Variants in LRBA observed in about 807,000 individuals in gnomAD.
LRBA encodes the protein LPS responsive beige-like anchor protein, also known as lipopolysaccharide-responsive and beige-like anchor protein.
LRBA carries 176 observed loss-of-function variants against 330.0 expected under a neutral mutation model. That is an observed-to-expected ratio of 0.53 (90% CI 0.47 to 0.60). LRBA has a LOEUF of 0.60. Ranked by LOEUF, LRBA falls within the 20% of genes least tolerant of loss-of-function variation. The pLI is 0.00. For synonymous variants in LRBA, 1,230 were observed against 1,193.0 expected, an observed-to-expected ratio of 1.03 and a Z score of -0.64; for missense variants, 3,259 against 3,444.8, an observed-to-expected ratio of 0.95 and a Z score of 1.35.
At chr4:150,906,471 A>G in intron 11 of LRBA, 66 bp from the exon 12 acceptor site, 1 of 839,812 alleles carries the variant, frequency 1.2e-6, no homozygotes, top group East Asian at 2.5e-5. Context: ...TAGGTTAGAT[A>G]GATGTAACCC....
intron 40 of LRBA, among the ~76,000 whole-genome samples, chr4:150,525,271 C>T (rs1194681609): frequency 1.3e-5 from 2 of 150,354 alleles, no homozygotes; most frequent in East Asian, 2.0e-4. Flanking sequence ...CAATGACATG[C>T]TCTGGCTTTT....
intron 56 of LRBA, among the ~76,000 whole-genome samples, chr4:150,275,582 G>A (rs1327853502): frequency 1.3e-5 from 2 of 152,180 alleles, no homozygotes; most frequent in East Asian, 3.9e-4. Context: ...CTTCAGCAAA[G>A]TCTCAGGATA....
At chr4:150,724,355 A>T (rs559896307) in intron 36 of LRBA, among the ~76,000 whole-genome samples, 2 of 152,196 alleles carry the variant, frequency 1.3e-5, no homozygotes, top group Non-Finnish European at 2.9e-5. Context: ...ATCTTATCTA[A>T]GACCACCAAA....
intron 26 of LRBA, 85 bp from the exon 27 acceptor site, chr4:150,844,864 G>T (rs1749625251): frequency 1.9e-6 from 2 of 1,069,352 alleles, no homozygotes; most frequent in African/African-American, 1.6e-5. Context: ...TACACAATAT[G>T]ATTTACATAA....
intron 40 of LRBA, among the ~76,000 whole-genome samples, chr4:150,564,432 C>T (rs184351635): frequency 1.3e-5 from 2 of 152,188 alleles, no homozygotes; most frequent in African/African-American, 4.8e-5. Flanking sequence ...ACCATAAAAA[C>T]CCTAGAAGAA....
chr4:150,485,708 C>A (rs1005356309), intron 42 of LRBA, among the ~76,000 whole-genome samples: 2 of 151,964 alleles, frequency 1.3e-5, no homozygotes, highest in African/African-American at 4.8e-5. Flanking sequence ...TGATTTTGAA[C>A]TTCTTGCCTC....
intron 33 of LRBA, among the ~76,000 whole-genome samples, chr4:150,799,930 A>AGACGGAGTTTCACCATGTTGGCCAC: frequency 6.6e-6 from 1 of 152,272 alleles, no homozygotes; most frequent in Admixed American, 6.5e-5. Flanking sequence ...GTTTTAGTAG[A>AGACGGAGTTTCACCATGTTGGCCAC]GACGGAGTTT....
intron 44 of LRBA, among the ~76,000 whole-genome samples, chr4:150,448,453 C>G (rs1029130933): frequency 1.3e-5 from 2 of 152,196 alleles, no homozygotes; most frequent in Admixed American, 1.3e-4. Flanking sequence ...AGAGATGGTA[C>G]AAACTGCTAT....
intron 2 of LRBA, among the ~76,000 whole-genome samples, chr4:150,955,680 T>A (rs1366070341): frequency 1.3e-5 from 2 of 148,432 alleles, no homozygotes; most frequent in African/African-American, 5.3e-5. Context: ...TCTCCTGAGG[T>A]CAGGAGTTCA....
At chr4:150,867,944 C>A (rs918893414) in intron 21 of LRBA, 81 bp from the exon 22 acceptor site, 35 of 1,143,998 alleles carry the variant, frequency 3.1e-5, no homozygotes, top group Non-Finnish European at 4.3e-5. Flanking sequence ...AACAAAATAA[C>A]CCTGCCCCTC....
chr4:150,949,756 G>A (rs1357674900), intron 2 of LRBA, among the ~76,000 whole-genome samples: 4 of 12,944 alleles, frequency 3.1e-4, no homozygotes, highest in African/African-American at 3.7e-4. Flanking sequence ...CAAATTAAGC[G>A]GCAAGGAAAC....
intron 47 of LRBA, among the ~76,000 whole-genome samples, chr4:150,373,172 T>TGTGTGTGTGTGAGA (rs1283762385): frequency 1.0e-5 from 1 of 97,504 alleles, no homozygotes; most frequent in African/African-American, 4.4e-5. Flanking sequence ...TGTGTGTGTG[T>TGTGTGTGTGTGAGA]GAGAGAGAGA....
intron 48 of LRBA, among the ~76,000 whole-genome samples, chr4:150,347,809 G>C (rs1485787309): frequency 7.2e-5 from 11 of 152,100 alleles, no homozygotes; most frequent in Admixed American, 7.2e-4. Flanking sequence ...TCTACATGGA[G>C]TATTCCCACT....
intron 36 of LRBA, among the ~76,000 whole-genome samples, chr4:150,692,339 C>T (rs1784215117): frequency 6.6e-6 from 1 of 152,070 alleles, no homozygotes; most frequent in Admixed American, 6.6e-5. Context: ...CCACTTCAGT[C>T]CCCCAAGTAG....
chr4:150,833,278 C>A (rs919158150), intron 28 of LRBA, among the ~76,000 whole-genome samples: 8 of 151,782 alleles, frequency 5.3e-5, no homozygotes, highest in African/African-American at 1.9e-4. Flanking sequence ...CTACACACAC[C>A]ACTATTCTAC....
chr4:150,533,523 G>A (rs1764272037), intron 40 of LRBA, among the ~76,000 whole-genome samples: 1 of 151,792 alleles, frequency 6.6e-6, no homozygotes. Context: ...ATATCTATTT[G>A]CTTACACTGC....
At chr4:150,985,632 A>G (rs1741373996) in intron 2 of LRBA, among the ~76,000 whole-genome samples, 2 of 151,706 alleles carry the variant, frequency 1.3e-5, no homozygotes, top group Non-Finnish European at 2.9e-5. Flanking sequence ...CCGAGTAGCC[A>G]GGACTACAGG....
chr4:150,938,007 C>A (rs1735264222), intron 2 of LRBA, among the ~76,000 whole-genome samples: 1 of 151,368 alleles, frequency 6.6e-6, no homozygotes, highest in African/African-American at 2.4e-5. Flanking sequence ...AAGCTCTGTT[C>A]TCCCTGGACA....
intron 53 of LRBA, among the ~76,000 whole-genome samples, chr4:150,296,913 C>A (rs1401262876): frequency 2.0e-5 from 3 of 149,790 alleles, no homozygotes; most frequent in Admixed American, 6.7e-5. Context: ...CCCGCGCCCA[C>A]CCCCACCGCC....
Sources: allele counts gnomAD v4.1 joint callset (sites outside exome capture counted in the v4.1 genomes callset), GRCh38; gene constraint gnomAD v4.1.1; transcripts MANE v1.5; gene names NCBI Gene and HGNC (gene_info 2026-07-23, HGNC 2026-07-21).